Variants in SRGAP3 observed in about 807,000 individuals in gnomAD.
SRGAP3 encodes SLIT-ROBO Rho GTPase activating protein 3.
Under a neutral mutation model 121.1 loss-of-function variants are expected in SRGAP3, and 39 were observed. The observed-to-expected ratio is 0.32, with a 90% CI of 0.25 to 0.42. SRGAP3 has a LOEUF of 0.42. Ranked by LOEUF, SRGAP3 falls within the 10% of genes least tolerant of loss-of-function variation. SRGAP3 has a pLI of 1.00. For synonymous variants in SRGAP3, 601 were observed against 570.0 expected, an observed-to-expected ratio of 1.05 and a Z score of -0.77; for missense variants, 1,213 against 1,470.6, an observed-to-expected ratio of 0.82 and a Z score of 2.86.
intron 1 of SRGAP3, among the ~76,000 whole-genome samples, chr3:9,190,166 C>T (rs566158388): frequency 2.0e-5 from 3 of 152,274 alleles, no homozygotes; most frequent in East Asian, 1.9e-4. Context: ...CTCACACAAT[C>T]GGTGGAAGAT....
chr3:9,155,401 G>T (rs1950385114), intron 1 of SRGAP3, among the ~76,000 whole-genome samples: 1 of 152,148 alleles, frequency 6.6e-6, no homozygotes, highest in Non-Finnish European at 1.5e-5. Context: ...GTCACTCATG[G>T]TGATTTTTCA....
At chr3:9,304,355 T>A (rs1028168263) in intron 3 of SRGAP3, among the ~76,000 whole-genome samples, 1 of 152,206 alleles carries the variant, frequency 6.6e-6, no homozygotes, top group Non-Finnish European at 1.5e-5. Flanking sequence ...AGATTAGACT[T>A]TGGCTCCTTA....
chr3:9,129,741 T>C (rs1949371036), intron 1 of SRGAP3, among the ~76,000 whole-genome samples: 1 of 152,006 alleles, frequency 6.6e-6, no homozygotes, highest in Admixed American at 6.6e-5. Context: ...AGGATATCAA[T>C]ATCTGTATAG....
intron 4 of SRGAP3, 96 bp downstream of exon 4, chr3:9,079,929 G>A: frequency 1.5e-6 from 2 of 1,364,926 alleles, no homozygotes; most frequent in Non-Finnish European, 2.1e-6. Context: ...AAAAAGGCCT[G>A]GGGTCATTCC....
chr3:9,241,245 A>G (rs1236526677), intron 1 of SRGAP3, among the ~76,000 whole-genome samples: 1 of 152,250 alleles, frequency 6.6e-6, no homozygotes, highest in Non-Finnish European at 1.5e-5. Context: ...AAGCTAAAAA[A>G]AAAATGAATT....
At chr3:9,326,755 G>A (rs1163661045) in intron 2 of SRGAP3, among the ~76,000 whole-genome samples, 2 of 151,798 alleles carry the variant, frequency 1.3e-5, no homozygotes, top group Non-Finnish European at 2.9e-5. Context: ...ATAATCTAGA[G>A]CTTGATTTTG....
At chr3:9,057,430 G>T (rs1432990931) in intron 7 of SRGAP3, among the ~76,000 whole-genome samples, 2 of 152,260 alleles carry the variant, frequency 1.3e-5, no homozygotes, top group African/African-American at 4.8e-5. Context: ...CCAGGTGATG[G>T]ATCGGGAGGA....
In SRGAP3 at chr3:8,981,149, G is replaced by T. The variant is rs542886031; in HGVS notation, c.*4370C>A. 24 of 233,158 alleles carry T rather than the reference G, an allele frequency of 1.0e-4. 1 individual carries two copies. The South Asian group carries it at 4.0e-3, about 39-fold the overall frequency. 14.4% of individuals were successfully genotyped at this position (233,158 alleles called of 1,614,324 possible). Reference sequence around the variant, plus strand: ...AGGAGGGCTTGGACCTGACAGCAAAGTCCCTTCTCTCGGCTCCCCTGGGCA... The same window carrying T: ...AGGAGGGCTTGGACCTGACAGCAAATTCCCTTCTCTCGGCTCCCCTGGGCA... On this transcript the variant is annotated 3_prime_UTR_variant, in exon 22 of 22. Transcript: ENST00000383836.
At chr3:9,081,834 C>A (rs537922886) in intron 3 of SRGAP3, among the ~76,000 whole-genome samples, 105 of 152,066 alleles carry the variant, frequency 6.9e-4, no homozygotes, top group Admixed American at 7.2e-4. Context: ...GGTAAATATT[C>A]TCTGCTATAA....
At chr3:9,052,807 T>G (rs1172021762) in intron 9 of SRGAP3, among the ~76,000 whole-genome samples, 1 of 152,150 alleles carries the variant, frequency 6.6e-6, no homozygotes, top group Non-Finnish European at 1.5e-5. Flanking sequence ...ATTTCAATAA[T>G]CATCACCCAA....
Position 9,010,419 on chromosome 3 carries a change from C to CG in SRGAP3, c.2148-33dup, listed in dbSNP as rs60541881. ...GGAAACACGGGAATGGGACTCACTG[C>CG]GGGGGGTTATCTACCCTCACAGCAC... On this transcript the variant is annotated intron_variant, in intron 17 of 21. Coordinates refer to ENST00000383836, the MANE Select transcript of SRGAP3 (RefSeq NM_014850.4). 6,496 of 1,613,226 alleles carry CG rather than the reference C, an allele frequency of 4.0e-3. 200 individuals are homozygous for CG. In the African/African-American group the frequency reaches 0.07, roughly 17 times the overall value.
At chr3:9,003,993 A>T (rs924253115) in intron 18 of SRGAP3, among the ~76,000 whole-genome samples, 1 of 152,222 alleles carries the variant, frequency 6.6e-6, no homozygotes, top group Non-Finnish European at 1.5e-5. Flanking sequence ...TATTAAAAAA[A>T]TAAGGAAATC....
At chr3:9,349,642 A>C (rs1357183356) in intron 1 of SRGAP3, 1 of 154,228 alleles carries the variant, frequency 6.5e-6, no homozygotes, top group Non-Finnish European at 1.4e-5. Context: ...CCCTGACCCC[A>C]GAGAAGCTGG....
chr3:9,154,592 C>G (rs754683730), intron 1 of SRGAP3, among the ~76,000 whole-genome samples: 14 of 152,192 alleles, frequency 9.2e-5, no homozygotes, highest in Non-Finnish European at 1.8e-4. Flanking sequence ...TCCGTGAAGA[C>G]TTTCCTGTTC....
At chr3:9,123,483 G>T (rs1484894984) in intron 2 of SRGAP3, among the ~76,000 whole-genome samples, 3 of 151,920 alleles carry the variant, frequency 2.0e-5, no homozygotes, top group African/African-American at 7.3e-5. Context: ...GAAGCAGGTG[G>T]ATCACTTGAT....
chr3:9,104,692 T>A lies in SRGAP3; in HGVS notation c.411A>T (p.Arg137Ser). The change falls in exon 3 of 22, where the codon AGA becomes AGT. Residue 137 changes from arginine (R) to serine (S), a missense_variant. Around this residue, in one of 2 missense-constraint regions of SRGAP3, gnomAD observed 793 missense variants for 1,032.9 expected, o/e 0.77. Transcript: ENST00000383836. ...CCCACTTGCCTACCTTTTTGAAGAGTCTGATGACATCCTCACTGATCTGGG... is the reference window on the plus strand; with the variant it reads ...CCCACTTGCCTACCTTTTTGAAGAGACTGATGACATCCTCACTGATCTGGG... ...RLSQISEDVI[R>S]LFKKSKEIGL... 6.2e-7 allele frequency: 1 copy of A among 1,614,076 alleles called. No individual in the cohort carries two copies. The highest frequency in any genetic ancestry group is 8.5e-7 in the Non-Finnish European group (1 of 1,180,004).
At chr3:9,346,231 T>A (rs961243156) in intron 1 of SRGAP3, among the ~76,000 whole-genome samples, 5 of 151,914 alleles carry the variant, frequency 3.3e-5, no homozygotes, top group African/African-American at 4.8e-5. Context: ...TGTTTTTCTA[T>A]CTTTAAATTT....
At chr3:9,066,041 C>T (rs375302977) in intron 4 of SRGAP3, among the ~76,000 whole-genome samples, 6 of 152,262 alleles carry the variant, frequency 3.9e-5, no homozygotes, top group East Asian at 1.9e-4. Context: ...TCAAGTGATC[C>T]TCCTGCCTCA....
Position 9,248,938 on chromosome 3 carries a change from G to A in SRGAP3, c.14C>T (p.Thr5Ile). The change falls in exon 1 of 22, where the codon ACT (threonine) becomes ATT (isoleucine). Residue 5 changes from threonine (T) to isoleucine (I), a missense_variant. Around this residue, in one of 2 missense-constraint regions of SRGAP3, gnomAD observed 793 missense variants for 1,032.9 expected, o/e 0.77. Coordinates refer to ENST00000383836, the MANE Select transcript of SRGAP3 (RefSeq NM_014850.4). Reference protein sequence around the residue: MSSQTKFKKDKEIIA... With the variant: MSSQIKFKKDKEIIA... ...GATCTCTTTGTCTTTCTTGAACTTA[G>A]TTTGAGATGACATCTTCTGACGTGG... is the stretch of plus-strand genomic sequence containing the variant. The A allele has an allele frequency of 1.2e-6, 2 of 1,614,178 alleles. No homozygotes were observed. The highest frequency in any genetic ancestry group is 1.7e-6 in the Non-Finnish European group (2 of 1,180,034).
Sources: allele counts gnomAD v4.1 joint callset (sites outside exome capture counted in the v4.1 genomes callset), GRCh38; gene constraint gnomAD v4.1.1; regional missense constraint gnomAD v4.1.1; transcripts MANE v1.5; gene names NCBI Gene and HGNC (gene_info 2026-07-23, HGNC 2026-07-21).